RYR2: variants seen among roughly 807,000 people sequenced by gnomAD.
RYR2 encodes cardiac muscle ryanodine receptor-calcium release channel.
RYR2 carries 227 observed loss-of-function variants against 601.1 expected under a neutral mutation model. The observed-to-expected ratio is 0.38, with a 90% CI of 0.34 to 0.42. The LOEUF (loss-of-function observed/expected upper bound fraction) is 0.42, where lower values mean the gene tolerates loss of function less well. Ranked by LOEUF, RYR2 falls within the 10% of genes least tolerant of loss-of-function variation. The pLI is 1.00. For synonymous variants in RYR2, 2,223 were observed against 2,175.1 expected, an observed-to-expected ratio of 1.02 and a Z score of -0.61; for missense variants, 4,646 against 6,156.5, an observed-to-expected ratio of 0.75 and a Z score of 8.21.
At chr1:237,242,425 A>G (rs1204496061) in intron 1 of RYR2, among the ~76,000 whole-genome samples, 2 of 152,070 alleles carry the variant, frequency 1.3e-5, no homozygotes, top group African/African-American at 4.8e-5. Context: ...CTCCTAGACC[A>G]GGACAATTTT....
chr1:237,460,448 G>T (rs1165860772), intron 16 of RYR2, among the ~76,000 whole-genome samples: 1 of 152,256 alleles, frequency 6.6e-6, no homozygotes, highest in East Asian at 1.9e-4. Context: ...ATAGAGGATG[G>T]TGGCCAAGAA....
At chr1:237,655,106 T>C (rs996069107) in intron 52 of RYR2, among the ~76,000 whole-genome samples, 7 of 152,212 alleles carry the variant, frequency 4.6e-5, no homozygotes, top group Admixed American at 2.0e-4. Flanking sequence ...TTACATTTGG[T>C]AGCAACACTT....
intron 14 of RYR2, among the ~76,000 whole-genome samples, chr1:237,451,492 T>C (rs1457573401): frequency 6.7e-6 from 1 of 149,464 alleles, no homozygotes. Flanking sequence ...GAGAATCACT[T>C]AAACCCTGAA....
chr1:237,460,273 T>C (rs1659324718), intron 16 of RYR2, among the ~76,000 whole-genome samples: 1 of 152,312 alleles, frequency 6.6e-6, no homozygotes, highest in South Asian at 2.1e-4. Context: ...AATACAACGC[T>C]TCTCGCATCT....
intron 24 of RYR2, among the ~76,000 whole-genome samples, chr1:237,512,334 A>G (rs917073365): frequency 1.3e-5 from 2 of 152,252 alleles, no homozygotes; most frequent in Non-Finnish European, 2.9e-5. Context: ...ACCAAATATT[A>G]AAAGAAAATT....
At chr1:237,361,208 T>C (rs568021717) in intron 4 of RYR2, among the ~76,000 whole-genome samples, 17 of 152,228 alleles carry the variant, frequency 1.1e-4, no homozygotes, top group Non-Finnish European at 2.4e-4. Flanking sequence ...GTAGTATATA[T>C]TGATATTTGG....
intron 1 of RYR2, among the ~76,000 whole-genome samples, chr1:237,088,938 C>T (rs576531749): frequency 6.6e-6 from 1 of 152,316 alleles, no homozygotes; most frequent in African/African-American, 2.4e-5. Context: ...CCTTTCTTGC[C>T]TGAGTTTCCA....
intron 1 of RYR2, among the ~76,000 whole-genome samples, chr1:237,077,847 C>A (rs1254188660): frequency 2.0e-5 from 3 of 149,750 alleles, no homozygotes; most frequent in Non-Finnish European, 4.5e-5. Flanking sequence ...CACACCACAC[C>A]TATTCCAAAA....
At chr1:237,207,945 AC>A (rs1682001414) in intron 1 of RYR2, among the ~76,000 whole-genome samples, 1 of 152,210 alleles carries the variant, frequency 6.6e-6, no homozygotes, top group African/African-American at 2.4e-5. Flanking sequence ...GGTCTTTGAA[AC>A]TAGCTGGAGA....
intron 80 of RYR2, among the ~76,000 whole-genome samples, chr1:237,743,867 G>GC: frequency 6.6e-6 from 1 of 152,314 alleles, no homozygotes; most frequent in African/African-American, 2.4e-5. Context: ...ACTTTGAGCT[G>GC]CATACTGTGC....
rs1558120605 is a variant in RYR2, at chr1:237,640,882, A to C, written c.7116-15A>C. The stretch of plus-strand genomic sequence containing the variant: ...TCCCATTTGCTTTCTCTTTCTTTTG[A>C]AACATTCATGAAAGTGACACAGAGG... On this transcript the variant is annotated splice_polypyrimidine_tract_variant and intron_variant, in intron 46 of 104. Transcript: ENST00000366574. The C allele has an allele frequency of 1.2e-6, 2 of 1,604,854 alleles. No individual in the cohort carries two copies. Among genetic ancestry groups the C allele is most frequent in the Non-Finnish European group, 1.7e-6 (2 of 1,173,768 alleles).
intron 3 of RYR2, among the ~76,000 whole-genome samples, chr1:237,343,923 C>A (rs1037304362): frequency 6.6e-6 from 1 of 151,192 alleles, no homozygotes; most frequent in African/African-American, 2.4e-5. Context: ...TGGTTTAAAG[C>A]GATTCTCCTG....
At chr1:237,782,524 T>C (rs1695207532) in intron 89 of RYR2, among the ~76,000 whole-genome samples, 1 of 152,210 alleles carries the variant, frequency 6.6e-6, no homozygotes, top group East Asian at 1.9e-4. Context: ...TCACGCCTCG[T>C]GCTAGGACTT....
At chr1:237,143,384 T>G (rs1673603152) in intron 1 of RYR2, among the ~76,000 whole-genome samples, 2 of 152,134 alleles carry the variant, frequency 1.3e-5, no homozygotes, top group South Asian at 4.1e-4. Flanking sequence ...TCTCCTCAAC[T>G]TTGGAGAGCT....
intron 1 of RYR2, among the ~76,000 whole-genome samples, chr1:237,083,435 A>G (rs1665971813): frequency 6.6e-6 from 1 of 152,152 alleles, no homozygotes; most frequent in South Asian, 2.1e-4. Context: ...GCAGAATTTA[A>G]AACAAAAAAC....
chr1:237,362,611 G>A (rs911944989), intron 4 of RYR2, among the ~76,000 whole-genome samples: 10 of 151,982 alleles, frequency 6.6e-5, no homozygotes, highest in South Asian at 4.2e-4. Context: ...GTTTTAATGC[G>A]CTTTGCTTTC....
At chr1:237,151,195 A>C (rs915878329) in intron 1 of RYR2, among the ~76,000 whole-genome samples, 1 of 152,178 alleles carries the variant, frequency 6.6e-6, no homozygotes, top group East Asian at 1.9e-4. Flanking sequence ...TAAGAAATTC[A>C]TATTCAGATG....
chr1:237,484,790 A>G (rs1662498624), intron 17 of RYR2, among the ~76,000 whole-genome samples: 1 of 152,102 alleles, frequency 6.6e-6, no homozygotes, highest in Non-Finnish European at 1.5e-5. Context: ...AGCAAACAGG[A>G]CCACTTTTTT....
intron 3 of RYR2, among the ~76,000 whole-genome samples, chr1:237,337,137 A>G (rs1451028552): frequency 6.6e-6 from 1 of 151,690 alleles, no homozygotes; most frequent in East Asian, 2.0e-4. Context: ...CTGTAATCCC[A>G]GCTACTTGGG....
Sources: gnomAD v4.1 joint callset for allele counts (sites outside exome capture counted in the v4.1 genomes callset) on GRCh38, gnomAD v4.1.1 for gene constraint, MANE v1.5 for transcripts, NCBI Gene and HGNC (gene_info 2026-07-23, HGNC 2026-07-21) for gene names.